The following PRSS55 variants were observed in gnomAD, a reference collection of about 807,000 sequenced individuals.
The protein encoded by PRSS55 is probable serine protease UNQ9391/PRO34284.
A neutral mutation model predicts 23.6 loss-of-function variants in PRSS55; 41 were observed. The observed-to-expected ratio is 1.74, with a 90% CI of 1.35 to 2.26. The LOEUF is 2.26. Ranked by LOEUF, PRSS55 falls within the 30% of genes most tolerant of loss-of-function variation. The pLI, the probability that PRSS55 is intolerant of heterozygous loss-of-function variation, is 0.00. For synonymous variants in PRSS55, 262 were observed against 175.5 expected (o/e 1.49, Z -3.90); for missense variants, 669 against 439.1 (o/e 1.52, Z -4.68).
chr8:10,530,455 G>A lies in PRSS55; in HGVS notation c.347+756G>A, dbSNP rs141950351. ...GCACCACTGGCACTCCCGCCTGGGC[G>A]ACAGAGCGAAACTCCATCTCAAAAA... On this transcript the variant is annotated intron_variant, in intron 2 of 4. Transcript: ENST00000328655. 1.4e-4 allele frequency among the ~76,000 whole-genome samples: 22 copies of A among 152,314 alleles called. No individual in the cohort carries two copies. In the East Asian group the frequency reaches 3.3e-3, roughly 23 times the overall value.
At chr8:10,543,825 T>C (rs1269761230) in intron 4 of PRSS55, among the ~76,000 whole-genome samples, 3 of 152,152 alleles carry the variant, frequency 2.0e-5, no homozygotes, top group African/African-American at 7.2e-5. Context: ...TTAATTTTCA[T>C]ATATTTGCAA....
intron 4 of PRSS55, among the ~76,000 whole-genome samples, chr8:10,547,257 C>T (rs1352035590): frequency 6.6e-6 from 1 of 152,204 alleles, no homozygotes; most frequent in East Asian, 1.9e-4. Flanking sequence ...GTGCGCCAGC[C>T]GGTGGCCTCT....
At chr8:10,530,481 A>T (rs1046516304) in intron 2 of PRSS55, among the ~76,000 whole-genome samples, 1 of 152,250 alleles carries the variant, frequency 6.6e-6, no homozygotes, top group African/African-American at 2.4e-5. Flanking sequence ...ATCTCAAAAA[A>T]AGAAAAATAA....
downstream of PRSS55, among the ~76,000 whole-genome samples, chr8:10,543,310 G>C (rs1812712327): frequency 6.6e-6 from 1 of 152,140 alleles, no homozygotes. Flanking sequence ...TGACTGCCCT[G>C]AGAGTGAAGT....
At chr8:10,554,029 C>G (rs1378819315) in exon 5 of PRSS55, 2 of 1,524,672 alleles carry the variant, frequency 1.3e-6, no homozygotes, top group South Asian at 2.5e-5. Flanking sequence ...ATCTGCAAAA[C>G]TGATGCTTTG....
chr8:10,552,610 CAAAGG>C (rs1812974616), intron 4 of PRSS55, among the ~76,000 whole-genome samples: 1 of 152,136 alleles, frequency 6.6e-6, no homozygotes, highest in African/African-American at 2.4e-5. Context: ...TAAAAATGGG[CAAAGG>C]ACCCGAATAG....
intron 4 of PRSS55, among the ~76,000 whole-genome samples, chr8:10,546,930 C>T (rs1812832333): frequency 6.6e-6 from 1 of 152,154 alleles, no homozygotes; most frequent in Admixed American, 6.5e-5. Context: ...ATCCTCCCAC[C>T]TCAAGCCTCT....
chr8:10,528,240 G>A (rs1436025127), intron 1 of PRSS55, among the ~76,000 whole-genome samples: 3 of 150,110 alleles, frequency 2.0e-5, no homozygotes, highest in Admixed American at 1.3e-4. Context: ...GAGCCTTTAT[G>A]CATTGCTGAG....
intron 4 of PRSS55, chr8:10,553,838 T>G: frequency 1.4e-6 from 1 of 695,474 alleles, no homozygotes; most frequent in Non-Finnish European, 2.3e-6. Flanking sequence ...TTAATTAGTT[T>G]AATTGGAGTA....
At chr8:10,549,186 G>C (rs934488002) in intron 4 of PRSS55, among the ~76,000 whole-genome samples, 1 of 152,186 alleles carries the variant, frequency 6.6e-6, no homozygotes, top group Admixed American at 6.5e-5. Context: ...GATGGAGGCG[G>C]GGGCAGATGA....
intron 4 of PRSS55, among the ~76,000 whole-genome samples, chr8:10,533,740 G>A (rs1812352716): frequency 6.6e-6 from 1 of 152,162 alleles, no homozygotes; most frequent in Admixed American, 6.5e-5. Context: ...AGTCTCAGCT[G>A]AAGACTAGGG....
intron 4 of PRSS55, 51 bp from the exon 5 acceptor site, chr8:10,538,425 A>G (rs768540446): frequency 7.2e-7 from 1 of 1,397,714 alleles, no homozygotes; most frequent in Non-Finnish European, 9.9e-7. Context: ...CCAGCCTCAG[A>G]TGGGCAGCTT....
intron 1 of PRSS55, among the ~76,000 whole-genome samples, chr8:10,527,195 T>G (rs10103552): frequency 2.0e-5 from 3 of 152,204 alleles, no homozygotes; most frequent in Non-Finnish European, 4.4e-5. Flanking sequence ...AAATGCCCCA[T>G]GAGCCTAACT....
intron 3 of PRSS55, 108 bp downstream of exon 3, chr8:10,531,653 C>A: frequency 1.4e-6 from 2 of 1,470,556 alleles, no homozygotes; most frequent in East Asian, 2.3e-5. Flanking sequence ...AGCAGATTCC[C>A]GCTCAGTGGA....
intron 3 of PRSS55, among the ~76,000 whole-genome samples, chr8:10,532,390 T>C (rs1490811829): frequency 6.6e-6 from 1 of 152,130 alleles, no homozygotes; most frequent in Non-Finnish European, 1.5e-5. Context: ...TCAGGTGAAT[T>C]CCCGGCATCT....
At chr8:10,541,596 C>A (rs1238412728), downstream of PRSS55, 1 of 152,138 alleles carries the variant, frequency 6.6e-6, no homozygotes, top group African/African-American at 2.4e-5. Flanking sequence ...ATATCTGTAC[C>A]TATATCTATA....
intron 4 of PRSS55, chr8:10,544,991 TG>T: frequency 1.0e-6 from 1 of 985,020 alleles, no homozygotes; most frequent in Non-Finnish European, 1.2e-6. Flanking sequence ...ACTGACTGTG[TG>T]CTCTGTTGAC....
chr8:10,544,969 C>T (rs1812778600), intron 4 of PRSS55: 1 of 979,984 alleles, frequency 1.0e-6, no homozygotes, highest in African/African-American at 1.8e-5. Flanking sequence ...TTAACTTTAA[C>T]AGGGACAGAA....
intron 4 of PRSS55, among the ~76,000 whole-genome samples, chr8:10,547,046 C>T (rs968996734): frequency 2.0e-5 from 3 of 152,202 alleles, no homozygotes; most frequent in African/African-American, 7.2e-5. Flanking sequence ...CGCTGTAGCC[C>T]AGCAGATGGC....
Sources: gnomAD v4.1 joint callset for allele counts (sites outside exome capture counted in the v4.1 genomes callset) on GRCh38, gnomAD v4.1.1 for gene constraint, MANE v1.5 for transcripts, NCBI Gene and HGNC (gene_info 2026-07-23, HGNC 2026-07-21) for gene names.